Variants in ULK4 observed in about 807,000 individuals in gnomAD.
ULK4 encodes unc-51 like kinase 4.
A neutral mutation model predicts 160.6 loss-of-function variants in ULK4; 133 were observed. That is an observed-to-expected ratio of 0.83 (90% CI 0.72 to 0.96). The LOEUF is 0.96. ULK4 is among the 40% of genes least tolerant of loss of function. The pLI, the probability that ULK4 is intolerant of heterozygous loss-of-function variation, is 0.00. For synonymous variants in ULK4, 534 were observed against 539.8 expected (o/e 0.99, Z 0.15); for missense variants, 1,580 against 1,499.5 (o/e 1.05, Z -0.89).
chr3:41,410,760 T>C (rs1038544335), intron 34 of ULK4, among the ~76,000 whole-genome samples: 1 of 152,168 alleles, frequency 6.6e-6, no homozygotes. Context: ...GAGTTCAACA[T>C]TGTCCTGATA....
chr3:41,833,805 C>T (rs9848992), intron 18 of ULK4, among the ~76,000 whole-genome samples: 27,657 of 151,844 alleles, frequency 0.18, 2,587 homozygotes, highest in Middle Eastern at 0.32. Context: ...CATCTGCAAA[C>T]AGAGACAATT....
chr3:41,917,638 A>G (rs1171474867), intron 7 of ULK4, among the ~76,000 whole-genome samples: 1 of 152,090 alleles, frequency 6.6e-6, no homozygotes, highest in Non-Finnish European at 1.5e-5. Flanking sequence ...ACCACAATTT[A>G]TATGATTAAA....
intron 32 of ULK4, among the ~76,000 whole-genome samples, chr3:41,484,604 C>T (rs996332250): frequency 3.3e-5 from 5 of 152,226 alleles, no homozygotes; most frequent in East Asian, 1.9e-4. Flanking sequence ...AGGCGCCCGC[C>T]ACCACACCCG....
chr3:41,893,119 T>C (rs1219799063), intron 16 of ULK4, among the ~76,000 whole-genome samples: 1 of 151,924 alleles, frequency 6.6e-6, no homozygotes, highest in Non-Finnish European at 1.5e-5. Flanking sequence ...ATAAGTAGAG[T>C]ATAGGTTACC....
At chr3:41,683,601 GT>G (rs1168702587) in intron 27 of ULK4, among the ~76,000 whole-genome samples, 4 of 151,388 alleles carry the variant, frequency 2.6e-5, no homozygotes, top group African/African-American at 9.7e-5. Context: ...TCTTCTATTT[GT>G]TGGGTCTTTC....
At chr3:41,833,438 A>G (rs9810804) in intron 18 of ULK4, among the ~76,000 whole-genome samples, 38,636 of 151,560 alleles carry the variant, frequency 0.25, 6,090 homozygotes, top group African/African-American at 0.45. Context: ...TGGGACTACC[A>G]GTGCCCACCA....
chr3:41,716,599 T>C (rs1028590112), intron 23 of ULK4, among the ~76,000 whole-genome samples: 10 of 152,192 alleles, frequency 6.6e-5, no homozygotes, highest in Non-Finnish European at 1.3e-4. Context: ...CAGTTAGCCT[T>C]GAAGACATTT....
At chr3:41,930,507 A>G (rs1039649363) in intron 5 of ULK4, among the ~76,000 whole-genome samples, 4 of 152,236 alleles carry the variant, frequency 2.6e-5, no homozygotes, top group African/African-American at 9.6e-5. Flanking sequence ...ATTAAACTAA[A>G]GAGCTTCTGC....
chr3:41,497,487 T>C (rs2085036632), intron 32 of ULK4, among the ~76,000 whole-genome samples: 1 of 152,106 alleles, frequency 6.6e-6, no homozygotes, highest in Non-Finnish European at 1.5e-5. Flanking sequence ...TAAGAAATAA[T>C]AGCTCATAGT....
At chr3:41,339,352 C>G (rs926466859) in intron 35 of ULK4, among the ~76,000 whole-genome samples, 5 of 152,106 alleles carry the variant, frequency 3.3e-5, no homozygotes, top group Non-Finnish European at 7.3e-5. Flanking sequence ...TGCCCCTTGC[C>G]AATGACTGAC....
intron 34 of ULK4, among the ~76,000 whole-genome samples, chr3:41,425,164 T>C (rs780343197): frequency 1.3e-5 from 2 of 151,864 alleles, no homozygotes; most frequent in Non-Finnish European, 2.9e-5. Flanking sequence ...CAAGTATCAA[T>C]AACCAAATAG....
At chr3:41,870,182 T>C (rs1490303544) in intron 17 of ULK4, among the ~76,000 whole-genome samples, 1 of 152,244 alleles carries the variant, frequency 6.6e-6, no homozygotes, top group Non-Finnish European at 1.5e-5. Context: ...AGCCTAGATG[T>C]AGTCCTCTTT....
Position 41,284,721 on chromosome 3 carries a change from C to G in ULK4, c.3679-35147G>C, listed in dbSNP as rs143838512. Among the ~76,000 whole-genome samples, 254 of 152,046 alleles carry G rather than the reference C, an allele frequency of 1.7e-3. 1 individual carries two copies. The highest frequency in any genetic ancestry group is 5.8e-3 in the African/African-American group (240 of 41,502). The stretch of plus-strand genomic sequence containing the variant: ...CATGACCAAGAACCCAAAAGCAAAT[C>G]CAATAAAAGCAAAGATAAGTAGCTG... On this transcript the variant is annotated intron_variant, in intron 35 of 36. Coordinates refer to ENST00000301831, the MANE Select transcript of ULK4 (RefSeq NM_017886.4).
At chr3:41,448,924 C>T (rs2083365617) in intron 34 of ULK4, among the ~76,000 whole-genome samples, 1 of 152,090 alleles carries the variant, frequency 6.6e-6, no homozygotes, top group Non-Finnish European at 1.5e-5. Flanking sequence ...CTCACTCTGT[C>T]ACCCAGGCTG....
chr3:41,450,507 A>C lies in ULK4; in HGVS notation c.3492+4990T>G, dbSNP rs544452992. Among the ~76,000 whole-genome samples, 128 of 152,350 alleles carry C rather than the reference A, an allele frequency of 8.4e-4. 2 individuals carry two copies. In the Middle Eastern group the frequency reaches 0.014, roughly 16 times the overall value. ...GGTTGACAGGTTTCATATTCTCTTAAGGATAAGTAGGTTTACTTTCATAGG... is the reference window on the plus strand; with the variant it reads ...GGTTGACAGGTTTCATATTCTCTTACGGATAAGTAGGTTTACTTTCATAGG... On this transcript the variant is annotated intron_variant, in intron 34 of 36. Coordinates refer to ENST00000301831, the MANE Select transcript of ULK4 (RefSeq NM_017886.4).
At chr3:41,502,683 G>A (rs1384160116) in intron 32 of ULK4, among the ~76,000 whole-genome samples, 1 of 152,088 alleles carries the variant, frequency 6.6e-6, no homozygotes, top group Non-Finnish European at 1.5e-5. Context: ...TGTGAAAGAA[G>A]GCAGACACAA....
intron 35 of ULK4, among the ~76,000 whole-genome samples, chr3:41,294,906 A>G (rs1265843829): frequency 6.6e-6 from 1 of 152,248 alleles, no homozygotes; most frequent in African/African-American, 2.4e-5. Flanking sequence ...ATGCAATTGC[A>G]ATCAAAATCC....
intron 34 of ULK4, among the ~76,000 whole-genome samples, chr3:41,435,401 G>C (rs1001711700): frequency 2.0e-5 from 3 of 152,108 alleles, no homozygotes; most frequent in African/African-American, 7.2e-5. Flanking sequence ...ACTAATAGAA[G>C]ATACATAAGT....
At chr3:41,598,258 A>T (rs2031823164) in intron 31 of ULK4, among the ~76,000 whole-genome samples, 2 of 151,786 alleles carry the variant, frequency 1.3e-5, no homozygotes, top group East Asian at 3.9e-4. Context: ...ACACCTTTAC[A>T]GCACTGCTTA....
Sources: allele counts gnomAD v4.1 joint callset (sites outside exome capture counted in the v4.1 genomes callset), GRCh38; gene constraint gnomAD v4.1.1; transcripts MANE v1.5; gene names NCBI Gene and HGNC (gene_info 2026-07-23, HGNC 2026-07-21).